The following MAPK10 variants were observed in gnomAD, a reference collection of about 807,000 sequenced individuals.
MAPK10 encodes mitogen-activated protein kinase 10, also known as JNK3 alpha protein kinase.
A neutral mutation model predicts 59.3 loss-of-function variants in MAPK10; 25 were observed. The observed-to-expected ratio is 0.42, with a 90% confidence interval of 0.31 to 0.59. The LOEUF (loss-of-function observed/expected upper bound fraction) is 0.59. MAPK10 is among the 20% of genes least tolerant of loss of function. The pLI is 0.15. For missense variants in MAPK10, 351 were observed against 568.9 expected (o/e 0.62, Z 3.90); for synonymous variants, 190 against 200.5 (o/e 0.95, Z 0.44).
intron 1 of MAPK10, among the ~76,000 whole-genome samples, chr4:86,370,318 T>G (rs1057406980): frequency 2.0e-5 from 3 of 152,084 alleles, no homozygotes; most frequent in Admixed American, 2.0e-4. Flanking sequence ...CCAGATAAAA[T>G]TCAGCCACTT....
At chr4:86,129,424 G>T (rs1347934100) in intron 4 of MAPK10, among the ~76,000 whole-genome samples, 1 of 152,138 alleles carries the variant, frequency 6.6e-6, no homozygotes, top group Non-Finnish European at 1.5e-5. Flanking sequence ...AACAAATTCT[G>T]CAATTGTTAG....
intron 11 of MAPK10, among the ~76,000 whole-genome samples, chr4:86,048,613 A>C (rs1485207596): frequency 1.3e-5 from 2 of 152,038 alleles, no homozygotes; most frequent in Non-Finnish European, 2.9e-5. Context: ...CTACATAAGT[A>C]ACATGAATCA....
chr4:86,413,130 G>C (rs891518563), intron 1 of MAPK10, among the ~76,000 whole-genome samples: 1 of 152,136 alleles, frequency 6.6e-6, no homozygotes, highest in Admixed American at 6.5e-5. Context: ...ATTCCTTTCT[G>C]TTTGTGAGTT....
At chr4:86,166,050 G>A (rs559638749) in intron 3 of MAPK10, among the ~76,000 whole-genome samples, 6 of 152,344 alleles carry the variant, frequency 3.9e-5, no homozygotes, top group African/African-American at 1.4e-4. Context: ...ATGAAGGTAT[G>A]GCTTCTGCCT....
chr4:86,116,524 T>G (rs1025960058), intron 4 of MAPK10, among the ~76,000 whole-genome samples: 6 of 152,220 alleles, frequency 3.9e-5, no homozygotes, highest in Non-Finnish European at 5.9e-5. Context: ...TTTGAGTCCC[T>G]GAGATATTGA....
At chr4:86,070,573 C>G (rs1282266457) in intron 9 of MAPK10, among the ~76,000 whole-genome samples, 8 of 139,552 alleles carry the variant, frequency 5.7e-5, no homozygotes, top group African/African-American at 1.9e-4. Flanking sequence ...CCCAGAGTGT[C>G]ATATTCCCCT....
At chr4:86,041,260 G>A (rs572250554) in intron 11 of MAPK10, among the ~76,000 whole-genome samples, 1 of 152,248 alleles carries the variant, frequency 6.6e-6, no homozygotes, top group South Asian at 2.1e-4. Context: ...AAATGATGCT[G>A]GGAAAACTGC....
chr4:86,387,797 CCCT>C (rs1179692382), intron 1 of MAPK10, among the ~76,000 whole-genome samples: 14 of 151,826 alleles, frequency 9.2e-5, no homozygotes, highest in Admixed American at 3.9e-4. Context: ...GGTTTTTTAG[CCCT>C]CCTCCTCCTA....
chr4:86,240,791 C>A (rs554069864), intron 2 of MAPK10, among the ~76,000 whole-genome samples: 1 of 152,218 alleles, frequency 6.6e-6, no homozygotes, highest in South Asian at 2.1e-4. Flanking sequence ...ACTCCTCATC[C>A]AATTTGCCAG....
intron 4 of MAPK10, among the ~76,000 whole-genome samples, chr4:86,157,168 G>A (rs1360817775): frequency 6.6e-6 from 1 of 151,902 alleles, no homozygotes; most frequent in African/African-American, 2.4e-5. Context: ...CCAAAGTGGG[G>A]GAAAAGATTG....
At chr4:86,081,509 A>AT (rs2050648930) in intron 9 of MAPK10, 1 of 152,036 alleles carries the variant, frequency 6.6e-6, no homozygotes, top group East Asian at 1.9e-4. Context: ...AGAAAAAAAA[A>AT]GCACAATAGA....
chr4:86,043,576 T>A (rs897826057), intron 11 of MAPK10, among the ~76,000 whole-genome samples: 1 of 152,190 alleles, frequency 6.6e-6, no homozygotes, highest in Admixed American at 6.6e-5. Flanking sequence ...AAGGTTTGCT[T>A]TGATTCTTTG....
chr4:86,330,055 G>A (rs1227545274), intron 2 of MAPK10, among the ~76,000 whole-genome samples: 3 of 152,294 alleles, frequency 2.0e-5, no homozygotes, highest in Non-Finnish European at 4.4e-5. Flanking sequence ...GGCTGTATAT[G>A]AGTGTGTGTA....
At chr4:86,128,280 C>T (rs2060408302) in intron 4 of MAPK10, among the ~76,000 whole-genome samples, 1 of 152,032 alleles carries the variant, frequency 6.6e-6, no homozygotes, top group South Asian at 2.1e-4. Flanking sequence ...GTAAGTATTA[C>T]TATTGATATG....
chr4:86,158,666 G>A (rs2068588559), intron 4 of MAPK10, among the ~76,000 whole-genome samples: 1 of 151,730 alleles, frequency 6.6e-6, no homozygotes, highest in Non-Finnish European at 1.5e-5. Flanking sequence ...TAAAAGAAAT[G>A]CTTATCAATT....
chr4:86,318,979 G>C (rs1240941748), intron 2 of MAPK10, among the ~76,000 whole-genome samples: 1 of 152,130 alleles, frequency 6.6e-6, no homozygotes. Flanking sequence ...AGTTTTCTAT[G>C]TTTATTGAAT....
intron 1 of MAPK10, among the ~76,000 whole-genome samples, chr4:86,474,460 A>T (rs1391579582): frequency 6.6e-6 from 1 of 152,264 alleles, no homozygotes; most frequent in African/African-American, 2.4e-5. Flanking sequence ...CTATTAACAC[A>T]GACTTATCCA....
intron 1 of MAPK10, among the ~76,000 whole-genome samples, chr4:86,443,666 C>T (rs1213634230): frequency 6.6e-6 from 1 of 152,128 alleles, no homozygotes; most frequent in African/African-American, 2.4e-5. Context: ...TCAGTAAAGG[C>T]TTATTTTTAG....
At position 86,512,462 on chromosome 4, in the gene MAPK10, C is replaced by T. The variant is rs77844151; in HGVS notation, c.-263+81448G>A. 5.5e-3 allele frequency among the ~76,000 whole-genome samples: 836 copies of T among 152,240 alleles called. 10 individuals carry two copies. Among genetic ancestry groups the T allele is most frequent in the African/African-American group, 0.019 (793 of 41,540 alleles). ...AAATATTGTCACTTCCTGGCAGGCC[C>T]CAAAAACCTTAAGATGGTAGGTAAA... On this transcript the variant is annotated intron_variant, in intron 1 of 4. Coordinates refer to the MAPK10 transcript ENST00000502302.
Sources: allele counts gnomAD v4.1 joint callset (sites outside exome capture counted in the v4.1 genomes callset), GRCh38; gene constraint gnomAD v4.1.1; transcripts MANE v1.5; gene names NCBI Gene and HGNC (gene_info 2026-07-23, HGNC 2026-07-21).